TSPAN9: variants seen among roughly 807,000 people sequenced by gnomAD.
TSPAN9 encodes the protein tetraspanin 9.
TSPAN9 carries 16 observed loss-of-function variants against 31.0 expected under a neutral mutation model. The observed-to-expected ratio is 0.52, with a 90% confidence interval of 0.35 to 0.78. The LOEUF is 0.78. Among genes scored for constraint, TSPAN9 ranks in the 30% least tolerant of loss-of-function variants. TSPAN9 has a pLI of 0.01. For missense variants in TSPAN9, 272 were observed against 312.5 expected (o/e 0.87, Z 0.98); for synonymous variants, 145 against 121.6 (o/e 1.19, Z -1.27).
chr12:3,110,404 A>G (rs1207157311), intron 2 of TSPAN9, among the ~76,000 whole-genome samples: 1 of 152,230 alleles, frequency 6.6e-6, no homozygotes, highest in African/African-American at 2.4e-5. Context: ...CATGCTGGCC[A>G]AAAGTCTCTT....
chr12:3,104,509 C>A (rs777151738), intron 2 of TSPAN9, among the ~76,000 whole-genome samples: 1 of 152,070 alleles, frequency 6.6e-6, no homozygotes, highest in African/African-American at 2.4e-5. Context: ...TGTACCACCA[C>A]GCCTGGTTAA....
chr12:3,276,183 CAAGCCT>C (rs1862782422), intron 3 of TSPAN9, among the ~76,000 whole-genome samples: 1 of 152,200 alleles, frequency 6.6e-6, no homozygotes, highest in Non-Finnish European at 1.5e-5. Context: ...TCCACAAACC[CAAGCCT>C]AATCACAGCA....
At position 3,169,052 on chromosome 12, in the gene TSPAN9, T is replaced by C. The variant is rs189274842; in HGVS notation, c.-17-32125T>C. Among the ~76,000 whole-genome samples, 416 of 152,332 alleles carry C rather than the reference T, an allele frequency of 2.7e-3. 2 individuals are homozygous for C. Among genetic ancestry groups the C allele is most frequent in the African/African-American group, 9.4e-3 (393 of 41,588 alleles). ...TGGCAACAGTCTGCCAGGATGAGACTATGGGGCAGCCAGAGGAGAGAAAAC... is the reference window on the plus strand; with the variant it reads ...TGGCAACAGTCTGCCAGGATGAGACCATGGGGCAGCCAGAGGAGAGAAAAC... On this transcript the variant is annotated intron_variant, in intron 2 of 8. Coordinates refer to ENST00000011898, the MANE Select transcript of TSPAN9 (RefSeq NM_006675.5).
At chr12:3,117,009 A>G (rs935837518) in intron 2 of TSPAN9, among the ~76,000 whole-genome samples, 1 of 152,230 alleles carries the variant, frequency 6.6e-6, no homozygotes, top group Non-Finnish European at 1.5e-5. Flanking sequence ...CAGAAGAGTT[A>G]TTAAGCCTTT....
chr12:3,191,060 T>A (rs1312769273), intron 2 of TSPAN9, among the ~76,000 whole-genome samples: 1 of 151,982 alleles, frequency 6.6e-6, no homozygotes, highest in African/African-American at 2.4e-5. Context: ...GCCAACTGGA[T>A]TGTGGATGTT....
At chr12:3,246,292 C>T (rs1862126104) in intron 3 of TSPAN9, among the ~76,000 whole-genome samples, 1 of 152,026 alleles carries the variant, frequency 6.6e-6, no homozygotes, top group African/African-American at 2.4e-5. Flanking sequence ...CTAGTCGCCT[C>T]CCCACTTCCA....
At chr12:3,213,463 A>G (rs2098379812) in intron 3 of TSPAN9, among the ~76,000 whole-genome samples, 2 of 152,172 alleles carry the variant, frequency 1.3e-5, no homozygotes, top group Non-Finnish European at 2.9e-5. Context: ...TAGGACACTC[A>G]TCGTGACCAG....
intron 3 of TSPAN9, among the ~76,000 whole-genome samples, chr12:3,214,900 C>T (rs1284646241): frequency 1.3e-5 from 2 of 151,852 alleles, no homozygotes; most frequent in Non-Finnish European, 2.9e-5. Context: ...TCCCCCCATC[C>T]CCCTGAACAC....
chr12:3,146,001 G>A (rs979899960), intron 2 of TSPAN9, among the ~76,000 whole-genome samples: 2 of 152,348 alleles, frequency 1.3e-5, no homozygotes, highest in South Asian at 2.1e-4. Flanking sequence ...GGGGCCTGGC[G>A]GTGGCCTTCC....
chr12:3,243,735 G>C (rs1374746841), intron 3 of TSPAN9, among the ~76,000 whole-genome samples: 1 of 152,176 alleles, frequency 6.6e-6, no homozygotes, highest in African/African-American at 2.4e-5. Context: ...GGCTGGCTGA[G>C]GAGGGCCATG....
At position 3,223,887 on chromosome 12, in the gene TSPAN9, T is replaced by A. The variant is rs2098385830; in HGVS notation, c.63+22631T>A. Among the ~76,000 whole-genome samples, 3 of 152,182 alleles carry A rather than the reference T, an allele frequency of 2.0e-5. No homozygotes were observed. In the South Asian group the frequency reaches 6.2e-4, roughly 32 times the overall value. On this transcript the variant is annotated intron_variant, in intron 3 of 8. Transcript: ENST00000011898. ...TGCATGCTGGAGTCATGTGAGAGATTTATAACAGAATAGGGATGCTGGGTT... is the reference window on the plus strand; with the variant it reads ...TGCATGCTGGAGTCATGTGAGAGATATATAACAGAATAGGGATGCTGGGTT...
At position 3,230,610 on chromosome 12, in the gene TSPAN9, T is replaced by C. The variant is rs74054936; in HGVS notation, c.63+29354T>C. 4.9e-3 allele frequency among the ~76,000 whole-genome samples: 750 copies of C among 152,208 alleles called. 7 individuals are homozygous for C. Among genetic ancestry groups the C allele is most frequent in the African/African-American group, 0.017 (715 of 41,502 alleles). On this transcript the variant is annotated intron_variant, in intron 3 of 8. Coordinates refer to ENST00000011898, the MANE Select transcript of TSPAN9 (RefSeq NM_006675.5). ...CACTTCGGAGTGTGGTCTTCTAAAG[T>C]GGGGGTGGCAAGGTTTCCTCAGCCC...
chr12:3,208,211 A>C (rs2018043), intron 3 of TSPAN9, among the ~76,000 whole-genome samples: 81,123 of 152,110 alleles, frequency 0.53, 22,072 homozygotes, highest in Middle Eastern at 0.66. Flanking sequence ...CAATGCCAGG[A>C]AGGGCGGTTG....
intron 3 of TSPAN9, among the ~76,000 whole-genome samples, chr12:3,253,525 G>T (rs893501998): frequency 2.6e-5 from 4 of 152,230 alleles, no homozygotes; most frequent in Non-Finnish European, 4.4e-5. Flanking sequence ...GGTGTCTGCC[G>T]CAGGAAGTGT....
intron 3 of TSPAN9, among the ~76,000 whole-genome samples, chr12:3,247,208 C>T (rs764939657): frequency 1.4e-4 from 21 of 151,298 alleles, no homozygotes; most frequent in Non-Finnish European, 2.6e-4. Context: ...GCAGAAAGGA[C>T]TTGACAAAGG....
Position 3,234,074 on chromosome 12 carries a change from C to A in TSPAN9, c.63+32818C>A, listed in dbSNP as rs182602392. On this transcript the variant is annotated intron_variant, in intron 3 of 8. Transcript: ENST00000011898. ...GTAGGGCTGAGACGTCCTCGAAGAT[C>A]TAATTTACTGCCCTGCTTTCCCATC... Among the ~76,000 whole-genome samples the A allele has an allele frequency of 2.2e-4, 34 of 152,278 alleles. No individual in the cohort carries two copies. In the East Asian group the frequency reaches 3.5e-3, roughly 16 times the overall value.
chr12:3,160,652 G>A (rs2098344599), intron 2 of TSPAN9, among the ~76,000 whole-genome samples: 1 of 152,206 alleles, frequency 6.6e-6, no homozygotes, highest in African/African-American at 2.4e-5. Context: ...ATCCTAGTGA[G>A]TGTGAAATGG....
intron 2 of TSPAN9, among the ~76,000 whole-genome samples, chr12:3,087,794 A>C (rs2098301398): frequency 6.6e-6 from 1 of 152,152 alleles, no homozygotes; most frequent in South Asian, 2.1e-4. Context: ...AACAGAGCCA[A>C]GACTCCATCT....
At chr12:3,163,810 T>C (rs1254101050) in intron 2 of TSPAN9, among the ~76,000 whole-genome samples, 1 of 152,180 alleles carries the variant, frequency 6.6e-6, no homozygotes, top group Non-Finnish European at 1.5e-5. Flanking sequence ...AACACATCAG[T>C]GGTAATCCCT....
Sources: gnomAD v4.1 joint callset for allele counts (sites outside exome capture counted in the v4.1 genomes callset) on GRCh38, gnomAD v4.1.1 for gene constraint, MANE v1.5 for transcripts, NCBI Gene and HGNC (gene_info 2026-07-23, HGNC 2026-07-21) for gene names.